Variants in CTNNA2 observed in about 807,000 individuals in gnomAD.
CTNNA2 encodes the protein catenin alpha 2.
In CTNNA2, 42 loss-of-function variants were observed where a neutral mutation model predicts 101.0. The ratio of observed to expected loss-of-function variants is 0.42; its 90% CI spans 0.32 to 0.54. The LOEUF is 0.54. Among genes scored for constraint, CTNNA2 ranks in the 20% least tolerant of loss-of-function variants. The probability of loss-of-function intolerance (pLI) is 0.14; values close to 1 mark genes in which losing one functional copy is unlikely to be tolerated. For missense variants in CTNNA2, 871 were observed against 1,223.1 expected (o/e 0.71, Z 4.29); for synonymous variants, 450 against 456.4 (o/e 0.99, Z 0.18).
rs187234914 is a variant in CTNNA2 at position 79,496,560 on chromosome 2, T to G, written c.-134-8494T>G. Among the ~76,000 whole-genome samples the G allele has an allele frequency of 7.2e-3, 1,090 of 152,228 alleles. 15 individuals carry two copies. The highest frequency in any genetic ancestry group is 0.025 in the African/African-American group (1,035 of 41,578). ...TGAATGAGCCAATATTATTTTTTTT[T>G]GCAGAATATCTTCCATTTTGGGGAT... On this transcript the variant is annotated intron_variant, in intron 4 of 21. Coordinates refer to the CTNNA2 transcript ENST00000466387.
intron 4 of CTNNA2, among the ~76,000 whole-genome samples, chr2:79,469,315 C>A (rs970481897): frequency 1.3e-5 from 2 of 152,232 alleles, no homozygotes; most frequent in South Asian, 2.1e-4. Flanking sequence ...TACACCCTCC[C>A]AAGACTAAAC....
chr2:79,852,598 G>A (rs935092993), intron 3 of CTNNA2, among the ~76,000 whole-genome samples: 1 of 152,192 alleles, frequency 6.6e-6, no homozygotes, highest in African/African-American at 2.4e-5. Flanking sequence ...TTGAGACGGA[G>A]CTTCACTTTT....
At chr2:80,347,503 T>C (rs1169690645) in intron 7 of CTNNA2, among the ~76,000 whole-genome samples, 1 of 152,154 alleles carries the variant, frequency 6.6e-6, no homozygotes, top group Non-Finnish European at 1.5e-5. Context: ...TCCAACCTAA[T>C]TCATTTATAT....
chr2:79,957,411 C>T (rs763864409), intron 7 of CTNNA2, among the ~76,000 whole-genome samples: 7 of 152,126 alleles, frequency 4.6e-5, no homozygotes, highest in South Asian at 4.1e-4. Context: ...TGGAGGAGGG[C>T]GCAAGGAGAG....
At chr2:79,609,000 A>G (rs1678087700) in intron 1 of CTNNA2, among the ~76,000 whole-genome samples, 1 of 152,020 alleles carries the variant, frequency 6.6e-6, no homozygotes, top group African/African-American at 2.4e-5. Context: ...GAGATCAAGG[A>G]AAAATCTACT....
At chr2:79,606,897 C>G (rs1235223464) in intron 1 of CTNNA2, among the ~76,000 whole-genome samples, 2 of 151,824 alleles carry the variant, frequency 1.3e-5, no homozygotes, top group Non-Finnish European at 2.9e-5. Flanking sequence ...ATAGATGGGC[C>G]AAAGTAAAAA....
At chr2:80,223,211 G>T (rs1415734606) in intron 7 of CTNNA2, among the ~76,000 whole-genome samples, 1 of 152,198 alleles carries the variant, frequency 6.6e-6, no homozygotes, top group East Asian at 1.9e-4. Flanking sequence ...TCTTTGAGTG[G>T]TCTTTATTTC....
chr2:80,482,006 G>C (rs1182772212), intron 9 of CTNNA2, among the ~76,000 whole-genome samples: 3 of 152,100 alleles, frequency 2.0e-5, no homozygotes, highest in Admixed American at 1.3e-4. Flanking sequence ...GATCTCATTT[G>C]CTATGAATCA....
At chr2:79,984,296 TC>T (rs1441389998) in intron 7 of CTNNA2, among the ~76,000 whole-genome samples, 2 of 152,256 alleles carry the variant, frequency 1.3e-5, no homozygotes, top group East Asian at 3.9e-4. Flanking sequence ...CCCCACTGTC[TC>T]CACATTGAGC....
chr2:80,085,665 A>G (rs539733889), intron 7 of CTNNA2, among the ~76,000 whole-genome samples: 1 of 151,894 alleles, frequency 6.6e-6, no homozygotes, highest in South Asian at 2.1e-4. Flanking sequence ...TATTTTCTGC[A>G]TGTTGTCTGT....
intron 9 of CTNNA2, among the ~76,000 whole-genome samples, chr2:80,430,166 G>A (rs185804093): frequency 6.6e-5 from 10 of 151,932 alleles, no homozygotes; most frequent in African/African-American, 1.9e-4. Context: ...TAACCATACC[G>A]TATGTAAACC....
intron 1 of CTNNA2, among the ~76,000 whole-genome samples, chr2:79,196,654 A>C (rs1447657613): frequency 6.6e-6 from 1 of 152,242 alleles, no homozygotes; most frequent in African/African-American, 2.4e-5. Flanking sequence ...AAAGCATTGA[A>C]TAACATTAAG....
intron 7 of CTNNA2, among the ~76,000 whole-genome samples, chr2:80,352,204 C>T (rs1673366594): frequency 6.6e-6 from 1 of 152,106 alleles, no homozygotes; most frequent in African/African-American, 2.4e-5. Context: ...ATTTCTCTGA[C>T]ATGAGTAAGT....
At chr2:80,371,381 G>A (rs1032850149) in intron 7 of CTNNA2, among the ~76,000 whole-genome samples, 6 of 152,116 alleles carry the variant, frequency 3.9e-5, no homozygotes, top group African/African-American at 1.4e-4. Flanking sequence ...ATATGAGGTA[G>A]TGAAGTGTTA....
chr2:79,276,325 G>A (rs1434124994), intron 2 of CTNNA2, among the ~76,000 whole-genome samples: 2 of 151,986 alleles, frequency 1.3e-5, no homozygotes, highest in Non-Finnish European at 1.5e-5. Flanking sequence ...TTTGAAAGTT[G>A]TGCTAAAATA....
intron 7 of CTNNA2, among the ~76,000 whole-genome samples, chr2:80,106,361 GGTGCAACGTTACAA>G (rs1415287657): frequency 6.6e-6 from 1 of 152,092 alleles, no homozygotes; most frequent in East Asian, 1.9e-4. Flanking sequence ...AAGAACTCAA[GGTGCAACGTTACAA>G]GTGGATACAT....
intron 1 of CTNNA2, among the ~76,000 whole-genome samples, chr2:79,195,287 T>C (rs1297589760): frequency 1.3e-5 from 2 of 152,168 alleles, no homozygotes; most frequent in African/African-American, 4.8e-5. Flanking sequence ...AATGCAGAAA[T>C]GGGACCCTTT....
At chr2:80,247,712 A>C (rs1282837181) in intron 7 of CTNNA2, among the ~76,000 whole-genome samples, 1 of 152,068 alleles carries the variant, frequency 6.6e-6, no homozygotes, top group Non-Finnish European at 1.5e-5. Flanking sequence ...TTTACGTCCA[A>C]CTTTCAGATC....
chr2:80,348,349 G>A (rs768193251), intron 7 of CTNNA2, among the ~76,000 whole-genome samples: 7 of 152,078 alleles, frequency 4.6e-5, no homozygotes, highest in African/African-American at 1.2e-4. Flanking sequence ...TTTCATTTCC[G>A]AATATGTTTT....
Sources: gnomAD v4.1 joint callset for allele counts (sites outside exome capture counted in the v4.1 genomes callset) on GRCh38, gnomAD v4.1.1 for gene constraint, MANE v1.5 for transcripts, NCBI Gene and HGNC (gene_info 2026-07-23, HGNC 2026-07-21) for gene names.